Variants in MICAL2 observed in about 807,000 individuals in gnomAD.
MICAL2 encodes the protein [F-actin]-monooxygenase MICAL2.
Under a neutral mutation model 127.3 loss-of-function variants are expected in MICAL2, and 77 were observed. The observed-to-expected ratio is 0.60, with a 90% CI of 0.50 to 0.73. MICAL2 has a LOEUF of 0.73. Among genes scored for constraint, MICAL2 ranks in the 30% least tolerant of loss-of-function variants. The pLI, the probability that MICAL2 is intolerant of heterozygous loss-of-function variation, is 0.00. For synonymous variants in MICAL2, 570 were observed against 551.1 expected, an observed-to-expected ratio of 1.03 and a Z score of -0.48; for missense variants, 1,351 against 1,434.4, an observed-to-expected ratio of 0.94 and a Z score of 0.94.
chr11:12,204,805 C>G (rs1590338952), intron 4 of MICAL2, among the ~76,000 whole-genome samples: 3 of 152,320 alleles, frequency 2.0e-5, no homozygotes, highest in Admixed American at 2.0e-4. Context: ...ATAGCATAGC[C>G]TGCACCCTGA....
intron 1 of MICAL2, among the ~76,000 whole-genome samples, chr11:12,125,580 C>G (rs138801919): frequency 6.6e-6 from 1 of 152,290 alleles, no homozygotes; most frequent in African/African-American, 2.4e-5. Flanking sequence ...TAGAGACACT[C>G]TATCTCTCTG....
At chr11:12,123,291 A>T (rs1291835112) in intron 1 of MICAL2, among the ~76,000 whole-genome samples, 1 of 152,178 alleles carries the variant, frequency 6.6e-6, no homozygotes, top group Non-Finnish European at 1.5e-5. Context: ...TTCAGAATCT[A>T]ACTCTTCTGA....
At chr11:12,230,509 T>G (rs879549042) in intron 15 of MICAL2, among the ~76,000 whole-genome samples, 1 of 152,146 alleles carries the variant, frequency 6.6e-6, no homozygotes, top group Non-Finnish European at 1.5e-5. Flanking sequence ...TACATACAGG[T>G]GCATCCGTAT....
chr11:12,187,391 G>A (rs1437296542), intron 3 of MICAL2, among the ~76,000 whole-genome samples: 3 of 152,196 alleles, frequency 2.0e-5, no homozygotes, highest in Non-Finnish European at 2.9e-5. Flanking sequence ...GTTGTTTCTA[G>A]GGGTGTGGTC....
intron 29 of MICAL2, among the ~76,000 whole-genome samples, chr11:12,301,027 G>T (rs1171976551): frequency 3.9e-5 from 6 of 152,154 alleles, no homozygotes; most frequent in Non-Finnish European, 1.5e-5. Flanking sequence ...CACATGGCTG[G>T]GGAGGCCTCA....
intron 32 of MICAL2, among the ~76,000 whole-genome samples, chr11:12,330,801 GAGACAGAGAGAGAGAGAGAGGGAGAGAC>G (rs1313500351): frequency 2.1e-5 from 3 of 142,186 alleles, no homozygotes; most frequent in Admixed American, 7.1e-5. Context: ...GAGAGAGAGA[GAGACAGAGAGAGAGAGAGAGGGAGAGAC>G]AGACAGAGAG....
At chr11:12,346,482 A>G (rs1259825155) in intron 32 of MICAL2, among the ~76,000 whole-genome samples, 2 of 152,156 alleles carry the variant, frequency 1.3e-5, no homozygotes, top group Non-Finnish European at 2.9e-5. Flanking sequence ...CTTAACTTCT[A>G]TGTTCTATAT....
chr11:12,117,018 T>C (rs995558875), intron 1 of MICAL2: 1 of 152,222 alleles, frequency 6.6e-6, no homozygotes, highest in African/African-American at 2.4e-5. Context: ...GTAATTTCCC[T>C]GCCTTCCTCT....
At chr11:12,319,772 A>G (rs1864272096) in exon 30 of MICAL2, 1 of 1,614,024 alleles carries the variant, frequency 6.2e-7, no homozygotes. Flanking sequence ...CCTCCTCTGC[A>G]GATGAAGAAT....
At position 12,355,933 on chromosome 11, in the gene MICAL2, G is replaced by A. The variant is rs1939120981; in HGVS notation, c.5689+1076G>A. On this transcript the variant is annotated intron_variant, in intron 34 of 34. Transcript: ENST00000646065. Reference sequence around the variant, plus strand: ...GAGGGGCTCAGATGGGTCCATCCACGACAAGCCTAAACTGAGAGAGGATTT... The same window carrying A: ...GAGGGGCTCAGATGGGTCCATCCACAACAAGCCTAAACTGAGAGAGGATTT... 4.8e-5 allele frequency among the ~76,000 whole-genome samples: 7 copies of A among 145,956 alleles called. No individual in the cohort carries two copies. In the South Asian group the frequency reaches 1.4e-3, roughly 28 times the overall value.
At chr11:12,126,807 T>C (rs1203753941) in intron 1 of MICAL2, among the ~76,000 whole-genome samples, 3 of 152,108 alleles carry the variant, frequency 2.0e-5, no homozygotes, top group Non-Finnish European at 1.5e-5. Context: ...TCCATCTGCC[T>C]GAAGGAGGCA....
chr11:12,239,720 G>A, intron 17 of MICAL2, 135 bp downstream of exon 17: 2 of 1,055,752 alleles, frequency 1.9e-6, no homozygotes, highest in Non-Finnish European at 2.7e-6. Context: ...TAGATCAGGA[G>A]TCAACAGACT....
rs187450901 is a variant in MICAL2, at chr11:12,169,797, G to T, written c.264+7378G>T. Among the ~76,000 whole-genome samples the T allele has an allele frequency of 1.8e-4, 27 of 152,140 alleles. 1 individual carries two copies. The highest frequency in any genetic ancestry group is 2.9e-5 in the Non-Finnish European group (2 of 68,032). ...ATACGTGTGAAATTGTGAGACAAAGGGTATGTGTGCTACATTTAAAAATTA... is the reference window on the plus strand; with the variant it reads ...ATACGTGTGAAATTGTGAGACAAAGTGTATGTGTGCTACATTTAAAAATTA... On this transcript the variant is annotated intron_variant, in intron 3 of 27. Transcript: ENST00000683283.
intron 13 of MICAL2, among the ~76,000 whole-genome samples, chr11:12,225,175 G>A (rs184221796): frequency 6.6e-6 from 1 of 152,146 alleles, no homozygotes; most frequent in Admixed American, 6.5e-5. Flanking sequence ...TAGTTCCAGG[G>A]ACTAGTTTGA....
At chr11:12,336,446 C>T (rs946337066) in intron 32 of MICAL2, among the ~76,000 whole-genome samples, 6 of 152,158 alleles carry the variant, frequency 3.9e-5, no homozygotes, top group African/African-American at 1.4e-4. Flanking sequence ...CCCTTTATTT[C>T]CTTCTCCTGC....
intron 3 of MICAL2, 87 bp from the exon 4 acceptor site, chr11:12,204,163 T>G (rs1854376489): frequency 6.9e-6 from 9 of 1,296,578 alleles, no homozygotes; most frequent in African/African-American, 1.5e-5. Context: ...AGAGTGGGAT[T>G]TGCGCTTCAG....
At chr11:12,281,468 T>C (rs753044232) in intron 2 of MICAL2, among the ~76,000 whole-genome samples, 1 of 152,048 alleles carries the variant, frequency 6.6e-6, no homozygotes, top group Non-Finnish European at 1.5e-5. Context: ...CCATAGCCCC[T>C]GAGGGAAGGG....
intron 3 of MICAL2, among the ~76,000 whole-genome samples, chr11:12,193,509 T>C (rs1014810546): frequency 2.0e-5 from 3 of 152,156 alleles, no homozygotes; most frequent in African/African-American, 7.2e-5. Context: ...GCCTTGTCTG[T>C]GCTCATGAGT....
At chr11:12,193,511 C>G (rs7925646) in intron 3 of MICAL2, among the ~76,000 whole-genome samples, 147,510 of 152,296 alleles carry the variant, frequency 0.97, 71,643 homozygotes, top group Non-Finnish European at 1. Flanking sequence ...CTTGTCTGTG[C>G]TCATGAGTGG....
Sources: gnomAD v4.1 joint callset for allele counts (sites outside exome capture counted in the v4.1 genomes callset) on GRCh38, gnomAD v4.1.1 for gene constraint, MANE v1.5 for transcripts, NCBI Gene and HGNC (gene_info 2026-07-23, HGNC 2026-07-21) for gene names.